Variants in KMT2D observed in about 807,000 individuals in gnomAD.
KMT2D encodes histone-lysine N-methyltransferase 2D.
In KMT2D, 55 loss-of-function variants were observed where a neutral mutation model predicts 512.7. That is an observed-to-expected ratio of 0.11 (90% confidence interval 0.09 to 0.13). KMT2D has a LOEUF of 0.13. Ranked by LOEUF, KMT2D falls within the 10% of genes least tolerant of loss-of-function variation. The pLI is 1.00. For missense variants in KMT2D, 6,061 were observed against 7,127.9 expected, an observed-to-expected ratio of 0.85 and a Z score of 5.39; for synonymous variants, 2,995 against 2,904.0, an observed-to-expected ratio of 1.03 and a Z score of -1.01.
Position 49,028,229 on chromosome 12 carries a change from C to A in KMT2D, c.14383-88G>T, listed in dbSNP as rs1942710908. On this transcript the variant is annotated intron_variant, in intron 46 of 54. Coordinates refer to ENST00000301067, the MANE Select transcript of KMT2D (RefSeq NM_003482.4). The stretch of plus-strand genomic sequence containing the variant: ...TACCAGCTGGGTGGGGACAAGGACA[C>A]CTAGAACCCACTCCCCAGGGTAGTT... The A allele has an allele frequency of 3.3e-6, 5 of 1,524,852 alleles. No homozygotes were observed. In the South Asian group the frequency reaches 5.8e-5, roughly 18 times the overall value. 94.5% of individuals were successfully genotyped at this position (1,524,852 alleles called of 1,614,324 possible). A position where few individuals can be genotyped will look rare whatever the true frequency, so the allele number is the denominator to read the frequency against.
Position 49,026,686 on chromosome 12 carries a change from G to A in KMT2D, c.15280C>T (p.Leu5094=), listed in dbSNP as rs1942609561. 1.2e-6 allele frequency: 2 copies of A among 1,614,024 alleles called. No individual in the cohort carries two copies. Among genetic ancestry groups the A allele is most frequent in the African/African-American group, 2.7e-5 (2 of 75,068 alleles). ...LHRGLLTKCS[L]CQRTGATSSC... ...CTGGTGGCACCAGTTCGCTGGCACA[G>A]GGAGCACTTGGTTAGCAGTCCTCGG... Residue 5094 remains leucine (L), a synonymous_variant, in exon 49 of 55, where the codon CTG becomes TTG. Coordinates refer to ENST00000301067, the MANE Select transcript of KMT2D (RefSeq NM_003482.4). The surrounding 1 kb of genome is among the most constrained non-coding windows in gnomAD (Gnocchi z 9.6).
In KMT2D at chr12:49,039,156, G is replaced by C. The variant is rs930266649; in HGVS notation, c.8366+66C>G. 1 of 1,590,662 alleles carries C rather than the reference G, an allele frequency of 6.3e-7. No homozygotes were observed. On this transcript the variant is annotated intron_variant, in intron 34 of 54. Transcript: ENST00000301067. This position sits in a 1 kb window ranked among gnomAD's most constrained non-coding sequence, Gnocchi z 5.0. ...GATTAGTGATACAGGAAAATCACAA[G>C]AGCTTCCAACAGTGATAAAATCCAT... is the stretch of plus-strand genomic sequence containing the variant.
chr12:49,033,563 C>G lies in KMT2D; in HGVS notation c.11142G>C (p.Arg3714Ser), dbSNP rs1943062296. 2 of 1,613,520 alleles carry G rather than the reference C, an allele frequency of 1.2e-6. No homozygotes were observed. Among genetic ancestry groups the G allele is most frequent in the African/African-American group, 1.3e-5 (1 of 74,968 alleles). The stretch of plus-strand genomic sequence containing the variant: ...GCTGCAGCTGCCTTTCCTGTAAAAG[C>G]CTTGAATCAGGTCCGAGGCTTCGAA... ...LALRSLGPDSRLLQERQLQLQ... is the reference protein window; with the variant it reads ...LALRSLGPDSSLLQERQLQLQ... The change falls in exon 40 of 55, where the codon AGG becomes AGC. Residue 3714 changes from arginine (R) to serine (S), a missense_variant. Arg to Ser is a moderately radical substitution (Grantham distance 110). Transcript: ENST00000301067.
intron 18 of KMT2D, 30 bp from the exon 19 acceptor site, chr12:49,045,997 TGAG>T (rs1420105603): frequency 6.2e-7 from 1 of 1,613,654 alleles, no homozygotes; most frequent in Non-Finnish European, 8.5e-7. Context: ...CGGAGGTGGC[TGAG>T]GTCCTGTCCC....
Position 49,043,442 on chromosome 12 carries a change from T to TA in KMT2D, c.5468-15_5468-14insT. On this transcript the variant is annotated splice_polypyrimidine_tract_variant and intron_variant, in intron 24 of 54. Transcript: ENST00000301067. ...GACCATCATCTCCTATGAGCAAGAG[T>TA]CCCCCCTCCAATCAGAGATGTCCTA... The TA allele has an allele frequency of 6.2e-7, 1 of 1,612,778 alleles. No homozygotes were observed. Among genetic ancestry groups the TA allele is most frequent in the South Asian group, 1.1e-5 (1 of 91,022 alleles).
rs2120676532 is a variant in KMT2D, at chr12:49,051,801, G to A, written c.1882C>T (p.Pro628Ser). Residue 628 changes from proline to serine, a missense_variant, in exon 11 of 55, where the codon CCA becomes TCA. Physicochemically the swap from Pro to Ser is moderately conservative, Grantham distance 74. Coordinates refer to ENST00000301067, the MANE Select transcript of KMT2D (RefSeq NM_003482.4). ...SPPPEASRLS[P>S]PPEDSPMSPP... is the part of the protein sequence containing the mutation. ...GACATAGGCGAGTCCTCAGGTGGTG[G>A]GGACAGGCGTGATGCCTCAGGTGGT... is the stretch of plus-strand genomic sequence containing the variant. 6.2e-7 allele frequency: 1 copy of A among 1,612,814 alleles called. No homozygotes were observed. The highest frequency in any genetic ancestry group is 8.5e-7 in the Non-Finnish European group (1 of 1,179,094).
Position 49,032,217 on chromosome 12 carries a change from G to A in KMT2D, c.12488C>T (p.Pro4163Leu). The change falls in exon 40 of 55, where the codon CCC becomes CTC. Residue 4163 changes from proline to leucine, a missense_variant. This residue lies in a region of KMT2D where 1,600 missense variants were observed against 1,754.9 expected (regional missense o/e 0.91). Coordinates refer to ENST00000301067, the MANE Select transcript of KMT2D (RefSeq NM_003482.4). The stretch of plus-strand genomic sequence containing the variant: ...TTGTGGCCCTGTATTATTTTGCATG[G>A]GCCGCTCTAGCATGGGCTGTTGGGG... ...LGPQQPMLER[P>L]MQNNTGPQPP... 1.2e-6 allele frequency: 2 copies of A among 1,613,326 alleles called. No individual in the cohort carries two copies. Among genetic ancestry groups the A allele is most frequent in the South Asian group, 1.1e-5 (1 of 91,052 alleles).
At chr12:49,048,415 A>C (rs1355235654) in intron 14 of KMT2D, among the ~76,000 whole-genome samples, 1 of 152,236 alleles carries the variant, frequency 6.6e-6, no homozygotes, top group Non-Finnish European at 1.5e-5. Flanking sequence ...CTAAGCTATA[A>C]AGTTCAATAA....
intron 43 of KMT2D, 76 bp downstream of exon 43, chr12:49,030,204 A>G (rs1207475151): frequency 2.1e-5 from 28 of 1,316,934 alleles, no homozygotes; most frequent in Non-Finnish European, 2.9e-5. Flanking sequence ...ACTAATTTCT[A>G]AACTGTACAG....
Position 49,031,906 on chromosome 12 carries a change from GGAAGCCCCC to G in KMT2D, c.12790_12798del (p.Gly4264_Phe4266del). ...TGGAGGGGGCCTGTCTGTGGTCCAG[GGAAGCCCCC>G]AAGTTGAGGTTGGCAGCCCAGGAGG... is the stretch of plus-strand genomic sequence containing the variant. On this transcript the variant is annotated inframe_deletion, in exon 40 of 55. Transcript: ENST00000301067. 6.5e-7 allele frequency: 1 copy of G among 1,536,572 alleles called. No homozygotes were observed. The highest frequency in any genetic ancestry group is 8.7e-7 in the Non-Finnish European group (1 of 1,143,066).
At position 49,040,641 on chromosome 12, in the gene KMT2D, G is replaced by A. The variant is rs750933281; in HGVS notation, c.7129C>T (p.Pro2377Ser). Residue 2377 changes from proline (P) to serine (S), a missense_variant, in exon 32 of 55, where the codon CCA becomes TCA. Physicochemically the swap from Pro to Ser is moderately conservative, Grantham distance 74. Around this residue, in one of 16 missense-constraint regions of KMT2D, gnomAD observed 710 missense variants for 647.3 expected, o/e 1.10. Coordinates refer to ENST00000301067, the MANE Select transcript of KMT2D (RefSeq NM_003482.4). ...GGAGTCAATGGGGGCTGAGCATATG[G>A]GTCAGTGTAGGAGCCAGGGCGAAAG... ...DIFRPGSYTDPYAQPPLTPRP... is the reference protein window; with the variant it reads ...DIFRPGSYTDSYAQPPLTPRP... 2.0e-5 allele frequency: 33 copies of A among 1,613,574 alleles called. No individual in the cohort carries two copies. Among genetic ancestry groups the A allele is most frequent in the Non-Finnish European group, 2.7e-5 (32 of 1,179,772 alleles).
At position 49,029,076 on chromosome 12, in the gene KMT2D, G is replaced by A. The variant is rs371377859; in HGVS notation, c.14236C>T (p.Arg4746Trp). The A allele has an allele frequency of 6.9e-6, 11 of 1,603,704 alleles. No homozygotes were observed. Among genetic ancestry groups the A allele is most frequent in the South Asian group, 2.2e-5 (2 of 90,474 alleles). ...ALSPVIPLIP[R>W]ASIPVFPDTK... ...TAGCACATACCTGGGATGCTGGCCC[G>A]AGGAATGAGGGGGATGACAGGGGAG... Residue 4746 changes from arginine (R) to tryptophan (W), a missense_variant, in exon 45 of 55, where the codon CGG becomes TGG. Transcript: ENST00000301067.
At chr12:49,028,260 CTA>C (rs1460023846) in intron 46 of KMT2D, 119 bp from the exon 47 acceptor site, 25 of 1,207,266 alleles carry the variant, frequency 2.1e-5, no homozygotes, top group Non-Finnish European at 2.8e-5. Flanking sequence ...TAGTTCTATC[CTA>C]TGTCACCCAG....
At position 49,042,255 on chromosome 12, in the gene KMT2D, G is replaced by C; in HGVS notation, c.5943C>G (p.Pro1981=). The change falls in exon 29 of 55, where the codon CCC becomes CCG. Residue 1981 remains proline (P), a synonymous_variant. Transcript: ENST00000301067. The surrounding 1 kb of genome is among the most constrained non-coding windows in gnomAD (Gnocchi z 4.4). ...CCGTGGTGGGGGTTGTGGGGGTGGAGGGCGTGGTGCCACCTGAGCCCGTCC... is the reference window on the plus strand; with the variant it reads ...CCGTGGTGGGGGTTGTGGGGGTGGACGGCGTGGTGCCACCTGAGCCCGTCC... ...SPWTGSGGTT[P]STPTTPTTEG... 3.8e-6 allele frequency: 6 copies of C among 1,583,458 alleles called. No homozygotes were observed. Among genetic ancestry groups the C allele is most frequent in the Non-Finnish European group, 5.1e-6 (6 of 1,165,114 alleles).
Position 49,032,175 on chromosome 12 carries a change from G to A in KMT2D, c.12530C>T (p.Pro4177Leu), listed in dbSNP as rs1450999861. ...CAGACCCTGCCCAGACTGGAGGACA[G>A]GTCCTGGTTTGGGAGGTTGTGGCCC... ...NTGPQPPKPG[P>L]VLQSGQGLPG... Residue 4177 changes from proline to leucine, a missense_variant, in exon 40 of 55, where the codon CCT becomes CTT. Around this residue, in one of 16 missense-constraint regions of KMT2D, gnomAD observed 1,600 missense variants for 1,754.9 expected, o/e 0.91. Coordinates refer to ENST00000301067, the MANE Select transcript of KMT2D (RefSeq NM_003482.4). 6.2e-7 allele frequency: 1 copy of A among 1,613,040 alleles called. No individual in the cohort carries two copies. The highest frequency in any genetic ancestry group is 8.5e-7 in the Non-Finnish European group (1 of 1,179,236).
chr12:49,053,957 C>T (rs774162644), intron 6 of KMT2D, 21 bp downstream of exon 6: 7 of 1,610,206 alleles, frequency 4.3e-6, no homozygotes, highest in East Asian at 2.2e-5. Flanking sequence ...TGCCCTATGA[C>T]CAAAGATCAG....
In KMT2D at chr12:49,052,604, G is replaced by A. The variant is rs1938142621; in HGVS notation, c.1218C>T (p.Pro406=). 2 of 1,613,424 alleles carry A rather than the reference G, an allele frequency of 1.2e-6. No homozygotes were observed. Among genetic ancestry groups the A allele is most frequent in the Non-Finnish European group, 8.5e-7 (1 of 1,179,614 alleles). ...CACATTGCAGGGGCCCTGGTTCCTT[G>A]GGTTGCATAGAGGTCACGTGCCCAC... ...PKGGHVTSMQ[P]KEPGPLQCEA... is the part of the protein sequence containing the mutation. The change falls in exon 10 of 55, where the codon CCC becomes CCT. Residue 406 remains proline (P), a synonymous_variant. Transcript: ENST00000301067.
chr12:49,019,873 T>A lies in KMT2D; in HGVS notation c.*1907A>T. On this transcript the variant is annotated 3_prime_UTR_variant, in exon 55 of 55. Transcript: ENST00000301067. Reference sequence around the variant, plus strand: ...AAACAAAACAAAAACAAACCTAAAATCACAACAGCGACCAAGCTCCCCCTC... The same window carrying A: ...AAACAAAACAAAAACAAACCTAAAAACACAACAGCGACCAAGCTCCCCCTC... The A allele has an allele frequency of 5.1e-6, 1 of 195,388 alleles. No homozygotes were observed. The highest frequency in any genetic ancestry group is 1.0e-5 in the Non-Finnish European group (1 of 100,366). 12.1% of individuals were successfully genotyped at this position (195,388 alleles called of 1,614,324 possible).
rs1942936934 is a variant in KMT2D at position 49,031,924 on chromosome 12, G to C, written c.12781C>G (p.Pro4261Ala). ...SPLQGLLGCQ[P>A]QLGGFPGPQT... ...GGTCCAGGGAAGCCCCCAAGTTGAG[G>C]TTGGCAGCCCAGGAGGCCCTGGAGG... The change falls in exon 40 of 55, where the codon CCT becomes GCT. Residue 4261 changes from proline (P) to alanine (A), a missense_variant. Transcript: ENST00000301067. The C allele has an allele frequency of 2.6e-6, 4 of 1,537,486 alleles. No individual in the cohort carries two copies. In the African/African-American group the frequency reaches 4.1e-5, roughly 16 times the overall value.
Sources: allele counts gnomAD v4.1 joint callset (sites outside exome capture counted in the v4.1 genomes callset), GRCh38; gene constraint gnomAD v4.1.1; regional missense constraint gnomAD v4.1.1; non-coding constraint Gnocchi (gnomAD v3.1); transcripts MANE v1.5; gene names NCBI Gene and HGNC (gene_info 2026-07-23, HGNC 2026-07-21).